TTBK1: variants seen among roughly 807,000 people sequenced by gnomAD.
TTBK1 encodes tau tubulin kinase 1.
A neutral mutation model predicts 108.5 loss-of-function variants in TTBK1; 34 were observed. That is an observed-to-expected ratio of 0.31 (90% CI 0.24 to 0.42). TTBK1 has a LOEUF of 0.42. Ranked by LOEUF, TTBK1 falls within the 10% of genes least tolerant of loss-of-function variation. The pLI is 1.00. For synonymous variants in TTBK1, 809 were observed against 795.1 expected (o/e 1.02, Z -0.29); for missense variants, 1,539 against 1,826.0 (o/e 0.84, Z 2.86).
At chr6:43,260,716 A>G (rs1410821613) in intron 12 of TTBK1, among the ~76,000 whole-genome samples, 1 of 152,166 alleles carries the variant, frequency 6.6e-6, no homozygotes, top group Non-Finnish European at 1.5e-5. Context: ...GCCTGCTTTT[A>G]GAAAACAAGA....
rs767440913 is a variant in TTBK1 at position 43,283,648 on chromosome 6, G to A, written c.2908G>A (p.Ala970Thr). ...TCTGGAGCTGGCCTCTGATGGGGGC[G>A]CTGTGGAGGAGGGGGCCCGAGCGCC... is the stretch of plus-strand genomic sequence containing the variant. ...LGLELASDGG[A>T]VEEGARAPLE... Residue 970 changes from alanine (A) to threonine (T), a missense_variant, in exon 14 of 15, where the codon GCT (alanine) becomes ACT (threonine). By Grantham distance (58) the Ala-to-Thr change is moderately conservative. Transcript: ENST00000259750. The surrounding 1 kb of genome is among the most constrained non-coding windows in gnomAD (Gnocchi z 8.1). 39 of 1,613,906 alleles carry A rather than the reference G, an allele frequency of 2.4e-5. No individual in the cohort carries two copies. Among genetic ancestry groups the A allele is most frequent in the East Asian group, 8.9e-5 (4 of 44,894 alleles).
rs772722249 is a variant in TTBK1, at chr6:43,259,727, A to G, written c.1424+21A>G. The stretch of plus-strand genomic sequence containing the variant: ...AGGAGGTGGGTCTGGGGCCAGGGGC[A>G]TGGTTGGGGCCCAAGGCCCTCTCCG... On this transcript the variant is annotated intron_variant, in intron 12 of 14. Coordinates refer to ENST00000259750, the MANE Select transcript of TTBK1 (RefSeq NM_032538.3). The surrounding 1 kb of genome is among the most constrained non-coding windows in gnomAD (Gnocchi z 6.7). 6 of 1,547,900 alleles carry G rather than the reference A, an allele frequency of 3.9e-6. No individual in the cohort carries two copies. The highest frequency in any genetic ancestry group is 1.7e-4 in the Middle Eastern group (1 of 5,774).
chr6:43,246,402 T>C (rs554407684), intron 1 of TTBK1, among the ~76,000 whole-genome samples: 1 of 152,370 alleles, frequency 6.6e-6, no homozygotes, highest in South Asian at 2.1e-4. Flanking sequence ...ATGTGTGTCC[T>C]GTTGCTGATT....
At position 43,285,352 on chromosome 6, in the gene TTBK1, G is replaced by C. The variant is rs887608233; in HGVS notation, c.3942G>C (p.Ala1314=). The change falls in exon 15 of 15, where the codon GCG becomes GCC. Residue 1314 remains alanine (A), a synonymous_variant. Transcript: ENST00000259750. The surrounding 1 kb of genome is among the most constrained non-coding windows in gnomAD (Gnocchi z 4.7). ...RATTKGRAGG[A]EGRAGAR is the part of the protein sequence containing the mutation. ...CAACCAAAGGCCGGGCAGGAGGCGCGGAGGGCCGGGCTGGGGCCAGATAAT... is the reference window on the plus strand; with the variant it reads ...CAACCAAAGGCCGGGCAGGAGGCGCCGAGGGCCGGGCTGGGGCCAGATAAT... The C allele has an allele frequency of 3.1e-6, 4 of 1,283,750 alleles. No individual in the cohort carries two copies. Among genetic ancestry groups the C allele is most frequent in the Non-Finnish European group, 3.9e-6 (4 of 1,020,344 alleles). 79.5% of individuals were successfully genotyped at this position (1,283,750 alleles called of 1,614,324 possible).
In TTBK1 at chr6:43,285,580, G is replaced by A. The variant is rs1339526713; in HGVS notation, c.*204G>A. The stretch of plus-strand genomic sequence containing the variant: ...TAGGGCCCGTGGGGGACGCGGCCCC[G>A]CGCCGCGGGGAGGGTCTGCCTCCCC... On this transcript the variant is annotated 3_prime_UTR_variant, in exon 15 of 15. Coordinates refer to ENST00000259750, the MANE Select transcript of TTBK1 (RefSeq NM_032538.3). The surrounding 1 kb of genome is among the most constrained non-coding windows in gnomAD (Gnocchi z 4.7). 8 of 547,804 alleles carry A rather than the reference G, an allele frequency of 1.5e-5. No homozygotes were observed. Among genetic ancestry groups the A allele is most frequent in the African/African-American group, 2.0e-5 (1 of 50,402 alleles). 33.9% of individuals were successfully genotyped at this position (547,804 alleles called of 1,614,324 possible). A position where few individuals can be genotyped will look rare whatever the true frequency, so the allele number is the denominator to read the frequency against.
chr6:43,266,043 C>T (rs796411836), intron 13 of TTBK1, among the ~76,000 whole-genome samples: 25 of 152,216 alleles, frequency 1.6e-4, no homozygotes, highest in African/African-American at 5.8e-4. Context: ...GGGCTCGGGT[C>T]CTGCTTGTGA....
At chr6:43,254,962 G>T (rs576980885) in intron 6 of TTBK1, 87 bp from the exon 7 acceptor site, 1 of 1,341,178 alleles carries the variant, frequency 7.5e-7, no homozygotes, top group African/African-American at 1.4e-5. Flanking sequence ...GGTGGTCAGG[G>T]TGAAGAGTTA....
At position 43,284,292 on chromosome 6, in the gene TTBK1, G is replaced by A. The variant is rs767175021; in HGVS notation, c.3552G>A (p.Leu1184=). ...GATCCCATGGCGCGGCCCCAGCATT[G>A]GACACAGCCATCACCAGCAGGTGAG... is the stretch of plus-strand genomic sequence containing the variant. ...ASRSHGAAPA[L]DTAITSRLQL... The change falls in exon 14 of 15, where the codon TTG becomes TTA. Residue 1184 remains leucine, a synonymous_variant. Coordinates refer to ENST00000259750, the MANE Select transcript of TTBK1 (RefSeq NM_032538.3). 6.3e-6 allele frequency: 10 copies of A among 1,575,784 alleles called. No individual in the cohort carries two copies. The highest frequency in any genetic ancestry group is 3.4e-5 in the South Asian group (3 of 89,006).
In TTBK1 at chr6:43,283,157, C is replaced by T; in HGVS notation, c.2417C>T (p.Ser806Phe). 1 of 1,562,936 alleles carries T rather than the reference C, an allele frequency of 6.4e-7. No homozygotes were observed. Among genetic ancestry groups the T allele is most frequent in the South Asian group, 1.2e-5 (1 of 85,118 alleles). Residue 806 changes from serine to phenylalanine, a missense_variant, in exon 14 of 15, where the codon TCC becomes TTC. Physicochemically the swap from Ser to Phe is radical, Grantham distance 155 (BLOSUM62 -2). This residue lies in a region of TTBK1 where 1,055 missense variants were observed against 1,086.5 expected (regional missense o/e 0.97). Coordinates refer to ENST00000259750, the MANE Select transcript of TTBK1 (RefSeq NM_032538.3). The surrounding 1 kb of genome is among the most constrained non-coding windows in gnomAD (Gnocchi z 8.1). ...STDRSQEGAPSTLLADDQKES... is the reference protein window; with the variant it reads ...STDRSQEGAPFTLLADDQKES... ...GACCGGAGCCAGGAGGGTGCCCCGT[C>T]CACGCTGCTGGCAGACGATCAGAAG... is the stretch of plus-strand genomic sequence containing the variant.
In TTBK1 at chr6:43,285,331, C is replaced by T; in HGVS notation, c.3921C>T (p.Thr1307=). The T allele has an allele frequency of 7.7e-7, 1 of 1,290,658 alleles. No homozygotes were observed. Among genetic ancestry groups the T allele is most frequent in the East Asian group, 3.1e-5 (1 of 32,050 alleles). The allele number at this position is 1,290,658 out of a possible 1,614,324, so 80.0% of individuals were successfully genotyped here. A position where few individuals can be genotyped will look rare whatever the true frequency, so the allele number is the denominator to read the frequency against. ...AACTCCAGGCTCAGCGCGCAACAAC[C>T]AAAGGCCGGGCAGGAGGCGCGGAGG... The part of the protein sequence containing the change: ...RGKLQAQRAT[T]KGRAGGAEGR... The change falls in exon 15 of 15, where the codon ACC becomes ACT. Residue 1307 remains threonine, a synonymous_variant. Transcript: ENST00000259750. This position sits in a 1 kb window ranked among gnomAD's most constrained non-coding sequence, Gnocchi z 4.7.
In TTBK1 at chr6:43,283,480, G is replaced by C; in HGVS notation, c.2740G>C (p.Gly914Arg). ...LGAGTVTTGV[G>R]GVAVTSSPFT... Reference sequence around the variant, plus strand: ...GGCCGGGACAGTGACCACAGGGGTCGGGGGCGTGGCAGTCACCTCCTCACC... The same window carrying C: ...GGCCGGGACAGTGACCACAGGGGTCCGGGGCGTGGCAGTCACCTCCTCACC... Residue 914 changes from glycine (G) to arginine (R), a missense_variant, in exon 14 of 15, where the codon GGG (glycine) becomes CGG (arginine). Transcript: ENST00000259750. This position sits in a 1 kb window ranked among gnomAD's most constrained non-coding sequence, Gnocchi z 8.1. 2 of 1,614,102 alleles carry C rather than the reference G, an allele frequency of 1.2e-6. No individual in the cohort carries two copies. Among genetic ancestry groups the C allele is most frequent in the South Asian group, 2.2e-5 (2 of 91,090 alleles).
At chr6:43,254,944 C>A (rs909555498) in intron 6 of TTBK1, 105 bp from the exon 7 acceptor site, 4 of 1,134,060 alleles carry the variant, frequency 3.5e-6, no homozygotes, top group Non-Finnish European at 5.4e-6. Flanking sequence ...ACCTCCCCAG[C>A]CAGGGGAGGT....
rs886351231 is a variant in TTBK1, at chr6:43,265,229, C to A, written c.1986+1879C>A. 2.0e-5 allele frequency among the ~76,000 whole-genome samples: 3 copies of A among 152,144 alleles called. No homozygotes were observed. The highest frequency in any genetic ancestry group is 7.2e-5 in the African/African-American group (3 of 41,440). On this transcript the variant is annotated intron_variant, in intron 13 of 14. Transcript: ENST00000259750. The surrounding 1 kb of genome is among the most constrained non-coding windows in gnomAD (Gnocchi z 4.1). The stretch of plus-strand genomic sequence containing the variant: ...ACACTCTAGGTGGCTCTGGGAGGTG[C>A]CCAGGTGTTGGGCCAGGGGCCAGTT...
intron 13 of TTBK1, among the ~76,000 whole-genome samples, chr6:43,274,214 C>A (rs992655711): frequency 1.3e-5 from 2 of 152,200 alleles, no homozygotes; most frequent in Non-Finnish European, 2.9e-5. Flanking sequence ...TCATCCCAAC[C>A]GCTAACATCC....
At chr6:43,280,201 G>A (rs954798873) in intron 13 of TTBK1, among the ~76,000 whole-genome samples, 1 of 152,110 alleles carries the variant, frequency 6.6e-6, no homozygotes, top group African/African-American at 2.4e-5. Flanking sequence ...CACAGCCCTG[G>A]ACAGATCCTC....
At position 43,282,044 on chromosome 6, in the gene TTBK1, T is replaced by C. The variant is rs1293574407; in HGVS notation, c.1987-683T>C. Among the ~76,000 whole-genome samples the C allele has an allele frequency of 6.6e-6, 1 of 152,220 alleles. No individual in the cohort carries two copies. The highest frequency in any genetic ancestry group is 1.5e-5 in the Non-Finnish European group (1 of 68,034). On this transcript the variant is annotated intron_variant, in intron 13 of 14. Transcript: ENST00000259750. This position sits in a 1 kb window ranked among gnomAD's most constrained non-coding sequence, Gnocchi z 5.4. Reference sequence around the variant, plus strand: ...AGGAAAATGGAATGGAGCTCAAGTATACCTGTCGAGGGCTGGACAAATTCC... The same window carrying C: ...AGGAAAATGGAATGGAGCTCAAGTACACCTGTCGAGGGCTGGACAAATTCC...
intron 1 of TTBK1, among the ~76,000 whole-genome samples, chr6:43,246,287 G>C (rs569587233): frequency 5.3e-5 from 8 of 152,342 alleles, no homozygotes; most frequent in Middle Eastern, 3.4e-3. Flanking sequence ...AAGGGTCCCA[G>C]TCTGGTATGC....
Position 43,282,595 on chromosome 6 carries a change from T to C in TTBK1, c.1987-132T>C, listed in dbSNP as rs1582521637. ...ACAAGACAGACCCAGTGCCTGTGCT[T>C]AACTTTATGGAGCTCACACTCTGGT... On this transcript the variant is annotated intron_variant, in intron 13 of 14. Coordinates refer to ENST00000259750, the MANE Select transcript of TTBK1 (RefSeq NM_032538.3). The surrounding 1 kb of genome is among the most constrained non-coding windows in gnomAD (Gnocchi z 5.4). 17 of 744,444 alleles carry C rather than the reference T, an allele frequency of 2.3e-5. 1 individual carries two copies. The South Asian group carries it at 2.5e-4, about 11-fold the overall frequency. The allele number at this position is 744,444 out of a possible 1,614,324, so 46.1% of individuals were successfully genotyped here.
In TTBK1 at chr6:43,259,436, C is replaced by A; in HGVS notation, c.1249-95C>A. The A allele has an allele frequency of 7.2e-7, 1 of 1,386,908 alleles. No individual in the cohort carries two copies. The highest frequency in any genetic ancestry group is 9.7e-7 in the Non-Finnish European group (1 of 1,031,692). 85.9% of individuals were successfully genotyped at this position (1,386,908 alleles called of 1,614,324 possible). On this transcript the variant is annotated intron_variant, in intron 11 of 14. Coordinates refer to ENST00000259750, the MANE Select transcript of TTBK1 (RefSeq NM_032538.3). This position sits in a 1 kb window ranked among gnomAD's most constrained non-coding sequence, Gnocchi z 6.7. ...CCCGCACTAGCCTCGCTGTGTCTTC[C>A]ATCATCATCATCCTCTGTCTCCTTC...
Sources: gnomAD v4.1 joint callset for allele counts (sites outside exome capture counted in the v4.1 genomes callset) on GRCh38, gnomAD v4.1.1 for gene constraint, gnomAD v4.1.1 regional missense constraint, Gnocchi (gnomAD v3.1) non-coding constraint, MANE v1.5 for transcripts, NCBI Gene and HGNC (gene_info 2026-07-23, HGNC 2026-07-21) for gene names.